Variants in SENP1 observed in about 807,000 individuals in gnomAD.
SENP1 encodes sentrin-specific protease 1.
Under a neutral mutation model 93.0 loss-of-function variants are expected in SENP1, and 21 were observed. That is an observed-to-expected ratio of 0.23 (90% CI 0.16 to 0.33). The LOEUF (loss-of-function observed/expected upper bound fraction) is 0.33, where lower values mean the gene tolerates loss of function less well. Among genes scored for constraint, SENP1 ranks in the 10% least tolerant of loss-of-function variants. The pLI is 1.00. For synonymous variants in SENP1, 256 were observed against 259.6 expected, an observed-to-expected ratio of 0.99 and a Z score of 0.13; for missense variants, 591 against 758.7, an observed-to-expected ratio of 0.78 and a Z score of 2.60.
intron 5 of SENP1, among the ~76,000 whole-genome samples, chr12:48,084,117 C>G (rs867090174): frequency 6.6e-6 from 1 of 152,192 alleles, no homozygotes; most frequent in South Asian, 2.1e-4. Flanking sequence ...GCTAACAACA[C>G]ATACATTTTC....
intron 10 of SENP1, among the ~76,000 whole-genome samples, chr12:48,065,998 C>T (rs1030887387): frequency 7.2e-5 from 11 of 152,062 alleles, no homozygotes; most frequent in Admixed American, 1.3e-4. Context: ...CCATTGCACC[C>T]GACCTATTTT....
At chr12:48,103,916 G>A (rs1050102909) in intron 1 of SENP1, among the ~76,000 whole-genome samples, 1 of 152,050 alleles carries the variant, frequency 6.6e-6, no homozygotes, top group Non-Finnish European at 1.5e-5. Context: ...GAAGTTACTA[G>A]AAAATATATA....
At chr12:48,079,424 G>A (rs907013671) in intron 6 of SENP1, among the ~76,000 whole-genome samples, 2 of 150,994 alleles carry the variant, frequency 1.3e-5, no homozygotes, top group Non-Finnish European at 3.0e-5. Flanking sequence ...GCTTGAACCC[G>A]GGAGACGGAG....
intron 1 of SENP1, among the ~76,000 whole-genome samples, chr12:48,103,340 T>C (rs990403263): frequency 6.6e-6 from 1 of 152,228 alleles, no homozygotes; most frequent in African/African-American, 2.4e-5. Flanking sequence ...CCATGTATCC[T>C]GACTCCAGGG....
At chr12:48,065,809 T>C (rs1371219973) in intron 10 of SENP1, 129 bp from the exon 11 acceptor site, 1 of 605,172 alleles carries the variant, frequency 1.7e-6, no homozygotes, top group Non-Finnish European at 2.9e-6. Context: ...TAACTTATCA[T>C]CCTTATTTTA....
intron 5 of SENP1, 128 bp from the exon 6 acceptor site, chr12:48,083,890 T>G: frequency 3.2e-6 from 2 of 622,736 alleles, no homozygotes; most frequent in Non-Finnish European, 5.4e-6. Flanking sequence ...GGTTTCCCAT[T>G]TGAGGGAAAG....
At chr12:48,085,567 G>T in intron 5 of SENP1, 1 of 463,302 alleles carries the variant, frequency 2.2e-6, no homozygotes, top group Non-Finnish European at 3.8e-6. Flanking sequence ...GGCTAGGTGA[G>T]GCGCTTCTAG....
In SENP1 at chr12:48,067,219, ATAC is replaced by A. The variant is rs1419309338; in HGVS notation, c.996-257_996-255del. Among the ~76,000 whole-genome samples the A allele has an allele frequency of 4.1e-4, 63 of 152,240 alleles. 1 individual carries two copies. Among genetic ancestry groups the A allele is most frequent in the African/African-American group, 1.4e-3 (57 of 41,456 alleles). ...AAAGGTGACCCAAAGTTCAGCAGAG[ATAC>A]TACATTTGGCATAGCTCCCTACTTG... On this transcript the variant is annotated intron_variant, in intron 9 of 17. Coordinates refer to ENST00000549518, the MANE Select transcript of SENP1 (RefSeq NM_001267594.2).
intron 4 of SENP1, chr12:48,089,415 C>A: frequency 9.8e-7 from 1 of 1,021,794 alleles, no homozygotes; most frequent in Non-Finnish European, 1.3e-6. Context: ...TTTTAGTTAC[C>A]ATGTTCAAGA....
intron 4 of SENP1, among the ~76,000 whole-genome samples, chr12:48,094,518 A>G (rs1044934573): frequency 6.6e-6 from 1 of 152,038 alleles, no homozygotes; most frequent in Non-Finnish European, 1.5e-5. Flanking sequence ...CATCTCTACT[A>G]AAAGTACAAA....
Position 48,044,181 on chromosome 12 carries a change from C to T in SENP1, c.*1141G>A, listed in dbSNP as rs1253276622. The T allele has an allele frequency of 2.0e-5, 3 of 151,570 alleles. No homozygotes were observed. Among genetic ancestry groups the T allele is most frequent in the African/African-American group, 7.3e-5 (3 of 41,166 alleles). The allele number at this position is 151,570 out of a possible 1,614,324, so 9.4% of individuals were successfully genotyped here. On this transcript the variant is annotated 3_prime_UTR_variant, in exon 18 of 18. Transcript: ENST00000549518. The stretch of plus-strand genomic sequence containing the variant: ...CCCTCTGTAACCTCTACCCATATGG[C>T]AAAGTTCATCCAGGCCTCAAAAATA...
At chr12:48,077,734 C>A (rs1273975563) in intron 6 of SENP1, among the ~76,000 whole-genome samples, 7 of 151,936 alleles carry the variant, frequency 4.6e-5, no homozygotes, top group Non-Finnish European at 1.0e-4. Context: ...CCTCCCCACT[C>A]CCCCCACCCC....
At chr12:48,095,414 C>T (rs1263360805) in intron 4 of SENP1, among the ~76,000 whole-genome samples, 10 of 151,072 alleles carry the variant, frequency 6.6e-5, no homozygotes, top group African/African-American at 2.4e-4. Flanking sequence ...TGGGTGTCTG[C>T]AATCCCAGCT....
intron 13 of SENP1, among the ~76,000 whole-genome samples, chr12:48,053,327 A>G (rs1026345622): frequency 1.3e-5 from 2 of 151,798 alleles, no homozygotes; most frequent in African/African-American, 4.8e-5. Context: ...AAAACCAACA[A>G]AAAAGCCAGG....
intron 1 of SENP1, among the ~76,000 whole-genome samples, chr12:48,104,416 A>T (rs571943534): frequency 6.6e-6 from 1 of 152,250 alleles, no homozygotes; most frequent in African/African-American, 2.4e-5. Context: ...AAAAACAATT[A>T]TGTGTACAAT....
intron 6 of SENP1, among the ~76,000 whole-genome samples, chr12:48,079,843 G>A (rs1329763002): frequency 6.6e-6 from 1 of 151,964 alleles, no homozygotes; most frequent in African/African-American, 2.4e-5. Flanking sequence ...TTTTCATTTT[G>A]TTTAAAGTAA....
intron 13 of SENP1, chr12:48,055,028 G>T (rs1224647705): frequency 9.0e-6 from 2 of 221,248 alleles, no homozygotes; most frequent in South Asian, 1.5e-4. Flanking sequence ...TTCCTGCAAA[G>T]AATCCATGCC....
chr12:48,063,544 T>C (rs1943094252), intron 13 of SENP1, 166 bp downstream of exon 13: 2 of 553,406 alleles, frequency 3.6e-6, no homozygotes, highest in Admixed American at 3.7e-5. Flanking sequence ...TAAAAATGCC[T>C]GTCTCCACCA....
intron 1 of SENP1, among the ~76,000 whole-genome samples, chr12:48,104,441 C>A (rs976662839): frequency 1.3e-5 from 2 of 152,074 alleles, no homozygotes; most frequent in African/African-American, 2.4e-5. Flanking sequence ...TGTACTATAT[C>A]GTCATGTGTT....
Sources: allele counts gnomAD v4.1 joint callset (sites outside exome capture counted in the v4.1 genomes callset), GRCh38; gene constraint gnomAD v4.1.1; transcripts MANE v1.5; gene names NCBI Gene and HGNC (gene_info 2026-07-23, HGNC 2026-07-21).